The following SLC44A5 variants were observed in gnomAD, a reference collection of about 807,000 sequenced individuals.
SLC44A5 encodes the protein solute carrier family 44 member 5.
Under a neutral mutation model 101.8 loss-of-function variants are expected in SLC44A5, and 57 were observed. That is an observed-to-expected ratio of 0.56 (90% CI 0.45 to 0.70). The LOEUF (loss-of-function observed/expected upper bound fraction) is 0.70. SLC44A5 is among the 30% of genes least tolerant of loss of function. The pLI, the probability that SLC44A5 is intolerant of heterozygous loss-of-function variation, is 0.00. For synonymous variants in SLC44A5, 281 were observed against 290.9 expected, an observed-to-expected ratio of 0.97 and a Z score of 0.35; for missense variants, 737 against 853.1, an observed-to-expected ratio of 0.86 and a Z score of 1.70.
At chr1:75,408,401 G>C (rs1663046290) in intron 2 of SLC44A5, among the ~76,000 whole-genome samples, 1 of 152,100 alleles carries the variant, frequency 6.6e-6, no homozygotes, top group African/African-American at 2.4e-5. Context: ...CTACTATAAA[G>C]ACACATGCAC....
At chr1:75,349,019 T>C (rs1278675484) in intron 3 of SLC44A5, among the ~76,000 whole-genome samples, 1 of 152,148 alleles carries the variant, frequency 6.6e-6, no homozygotes, top group African/African-American at 2.4e-5. Context: ...TTATTTAGAA[T>C]GTAGCATAGA....
chr1:75,428,979 C>A (rs1162135768), intron 2 of SLC44A5, among the ~76,000 whole-genome samples: 1 of 152,144 alleles, frequency 6.6e-6, no homozygotes, highest in Non-Finnish European at 1.5e-5. Flanking sequence ...TCACTAAATA[C>A]ATTATTTTGC....
intron 5 of SLC44A5, among the ~76,000 whole-genome samples, chr1:75,278,055 A>C (rs1000935554): frequency 6.6e-6 from 1 of 152,170 alleles, no homozygotes; most frequent in African/African-American, 2.4e-5. Context: ...ATGCTGTCCA[A>C]TATGGTAGCC....
At chr1:75,354,487 A>C (rs1658921474) in intron 3 of SLC44A5, among the ~76,000 whole-genome samples, 1 of 152,114 alleles carries the variant, frequency 6.6e-6, no homozygotes, top group African/African-American at 2.4e-5. Flanking sequence ...GTTTCCTTTC[A>C]ACCCCCACAT....
chr1:75,298,286 A>C (rs374812870), intron 5 of SLC44A5, among the ~76,000 whole-genome samples: 1 of 151,764 alleles, frequency 6.6e-6, no homozygotes, highest in South Asian at 2.1e-4. Flanking sequence ...TAGTTCAGGG[A>C]TTAAAAAAAA....
At chr1:75,381,924 G>C (rs1660942581) in intron 3 of SLC44A5, among the ~76,000 whole-genome samples, 1 of 81,968 alleles carries the variant, frequency 1.2e-5, no homozygotes, top group Non-Finnish European at 2.1e-5. Flanking sequence ...CTTCTGTTCA[G>C]TCAGTAAACT....
intron 2 of SLC44A5, among the ~76,000 whole-genome samples, chr1:75,409,634 G>A (rs2101498425): frequency 6.6e-6 from 1 of 152,014 alleles, no homozygotes; most frequent in East Asian, 1.9e-4. Context: ...ATATTTAATT[G>A]TTTATTATTT....
intron 2 of SLC44A5, among the ~76,000 whole-genome samples, chr1:75,433,517 C>T (rs1664726561): frequency 6.6e-6 from 1 of 151,990 alleles, no homozygotes. Context: ...TTTTCTAACC[C>T]TCTCCTCCTT....
At chr1:75,360,228 C>A (rs1343995644) in intron 3 of SLC44A5, among the ~76,000 whole-genome samples, 2 of 152,020 alleles carry the variant, frequency 1.3e-5, no homozygotes, top group Non-Finnish European at 2.9e-5. Flanking sequence ...GGGTTCATAT[C>A]AAAAAAATCC....
In SLC44A5 at chr1:75,405,274, A is replaced by G. The variant is rs150037467; in HGVS notation, c.14-8653T>C. Among the ~76,000 whole-genome samples, 153 of 152,282 alleles carry G rather than the reference A, an allele frequency of 1.0e-3. 1 individual carries two copies. The East Asian group carries it at 0.027, about 27-fold the overall frequency. On this transcript the variant is annotated intron_variant, in intron 2 of 23. Transcript: ENST00000370859. ...TAATCTTGGGAGACTCTAACACCCC[A>G]CTGTCAATATTAAACAGATCAATGA...
intron 2 of SLC44A5, among the ~76,000 whole-genome samples, chr1:75,471,949 T>C (rs1336550747): frequency 6.6e-6 from 1 of 151,438 alleles, no homozygotes; most frequent in Non-Finnish European, 1.5e-5. Context: ...ATAATCTGTT[T>C]TGTGGCAAGC....
chr1:75,574,914 A>G (rs1291370068), intron 1 of SLC44A5, among the ~76,000 whole-genome samples: 1 of 152,164 alleles, frequency 6.6e-6, no homozygotes, highest in African/African-American at 2.4e-5. Flanking sequence ...TCTGTAAGGG[A>G]ATAACAGCAG....
intron 7 of SLC44A5, among the ~76,000 whole-genome samples, chr1:75,243,523 T>C (rs1384971312): frequency 6.6e-6 from 1 of 152,130 alleles, no homozygotes; most frequent in Non-Finnish European, 1.5e-5. Flanking sequence ...ATATTGATGT[T>C]ATGTTAAAAC....
At chr1:75,239,787 T>C (rs1648452051) in intron 9 of SLC44A5, among the ~76,000 whole-genome samples, 1 of 152,070 alleles carries the variant, frequency 6.6e-6, no homozygotes, top group African/African-American at 2.4e-5. Flanking sequence ...TTAGTCTTCA[T>C]CCTGCTTAAA....
At chr1:75,466,604 C>T (rs576291018) in intron 2 of SLC44A5, among the ~76,000 whole-genome samples, 3 of 145,896 alleles carry the variant, frequency 2.1e-5, no homozygotes, top group Admixed American at 7.0e-5. Flanking sequence ...GGCAGTGAGC[C>T]GAGATTGTGC....
In SLC44A5 at chr1:75,566,040, T is replaced by C. The variant is rs200545251; in HGVS notation, c.-69-24524A>G. 6.6e-5 allele frequency among the ~76,000 whole-genome samples: 10 copies of C among 152,342 alleles called. No homozygotes were observed. The East Asian group carries it at 1.9e-3, about 29-fold the overall frequency. On this transcript the variant is annotated intron_variant, in intron 1 of 23. Transcript: ENST00000370859. Reference sequence around the variant, plus strand: ...AGCATACATTTCACTTCAGGCTATCTGTTTATAACAATGAACCAGGAACAT... The same window carrying C: ...AGCATACATTTCACTTCAGGCTATCCGTTTATAACAATGAACCAGGAACAT...
intron 5 of SLC44A5, among the ~76,000 whole-genome samples, chr1:75,299,242 T>G (rs1047366604): frequency 8.5e-5 from 13 of 152,210 alleles, no homozygotes; most frequent in Admixed American, 7.2e-4. Context: ...TGTTCTGAAG[T>G]TCTTAGAAGA....
At chr1:75,203,941 T>TTGG (rs1553138908) in intron 23 of SLC44A5, 108 bp from the exon 24 acceptor site, 1 of 1,241,098 alleles carries the variant, frequency 8.1e-7, no homozygotes, top group East Asian at 3.0e-5. Flanking sequence ...CCTTTTGTTG[T>TTGG]TTTTTTTTTG....
the SLC44A5 span, among the ~76,000 whole-genome samples, chr1:75,675,472 G>A: frequency 6.6e-6 from 1 of 152,102 alleles, no homozygotes; most frequent in Non-Finnish European, 1.5e-5. Flanking sequence ...TGTATCCTGA[G>A]ACTTTGTTGA....
Sources: gnomAD v4.1 joint callset for allele counts (sites outside exome capture counted in the v4.1 genomes callset) on GRCh38, gnomAD v4.1.1 for gene constraint, MANE v1.5 for transcripts, NCBI Gene and HGNC (gene_info 2026-07-23, HGNC 2026-07-21) for gene names.